PECR: variants seen among roughly 807,000 people sequenced by gnomAD.
PECR encodes the protein 2,4-dienoyl-CoA reductase-related protein.
PECR carries 30 observed loss-of-function variants against 35.3 expected under a neutral mutation model. The ratio of observed to expected loss-of-function variants is 0.85; its 90% CI spans 0.64 to 1.15. The LOEUF (loss-of-function observed/expected upper bound fraction) is 1.15, where lower values mean the gene tolerates loss of function less well. Among genes scored for constraint, PECR ranks in the 50% most tolerant of loss-of-function variants. The pLI, the probability that PECR is intolerant of heterozygous loss-of-function variation, is 0.00. For missense variants in PECR, 392 were observed against 370.8 expected (o/e 1.06, Z -0.47); for synonymous variants, 148 against 138.9 (o/e 1.07, Z -0.46).
intron 7 of PECR, among the ~76,000 whole-genome samples, chr2:216,030,874 G>A (rs1305830643): frequency 6.7e-6 from 1 of 148,814 alleles, no homozygotes; most frequent in African/African-American, 2.5e-5. Context: ...TAATTCTGTG[G>A]GCAATTTATT....
intron 1 of PECR, among the ~76,000 whole-genome samples, chr2:216,076,138 A>G (rs1185712377): frequency 1.3e-5 from 2 of 152,208 alleles, no homozygotes; most frequent in Non-Finnish European, 2.9e-5. Context: ...GTGGAAGTGA[A>G]AGACATTGTT....
chr2:216,031,699 A>AAGAAAG (rs1559204175), intron 7 of PECR, among the ~76,000 whole-genome samples: 1 of 127,494 alleles, frequency 7.8e-6, no homozygotes, highest in South Asian at 2.9e-4. Context: ...AAGAGAAAGA[A>AAGAAAG]AGAAAGAAAG....
intron 4 of PECR, among the ~76,000 whole-genome samples, chr2:216,053,632 G>A (rs144922538): frequency 8.5e-5 from 13 of 152,232 alleles, no homozygotes; most frequent in African/African-American, 3.1e-4. Flanking sequence ...GCTCCAAAAA[G>A]CATTTCCTTT....
chr2:216,059,057 G>T, intron 3 of PECR, 81 bp from the exon 4 acceptor site: 1 of 825,604 alleles, frequency 1.2e-6, no homozygotes, highest in Non-Finnish European at 2.1e-6. Flanking sequence ...CACACTGCCT[G>T]TTTGATATGT....
At chr2:216,080,146 A>G (rs2105973354) in intron 1 of PECR, among the ~76,000 whole-genome samples, 1 of 152,046 alleles carries the variant, frequency 6.6e-6, no homozygotes, top group South Asian at 2.1e-4. Flanking sequence ...CAGTGGCTTG[A>G]CGTCAGCTCA....
At chr2:216,072,589 C>A (rs1483997701) in intron 1 of PECR, among the ~76,000 whole-genome samples, 1 of 152,156 alleles carries the variant, frequency 6.6e-6, no homozygotes, top group Non-Finnish European at 1.5e-5. Flanking sequence ...TGTACCCACT[C>A]TTTAGCTCCC....
At chr2:216,076,962 C>A (rs565988859) in intron 1 of PECR, among the ~76,000 whole-genome samples, 7 of 144,006 alleles carry the variant, frequency 4.9e-5, no homozygotes, top group Admixed American at 1.4e-4. Flanking sequence ...AGTGCAATGG[C>A]ACCATCTCAG....
chr2:216,050,972 G>C (rs2105950162), intron 5 of PECR: 1 of 153,140 alleles, frequency 6.5e-6, no homozygotes, highest in Non-Finnish European at 1.4e-5. Flanking sequence ...GTAAATCAAA[G>C]AGTACTTCCA....
intron 3 of PECR, among the ~76,000 whole-genome samples, chr2:216,062,479 T>C (rs1695375725): frequency 1.3e-5 from 2 of 152,122 alleles, no homozygotes; most frequent in Non-Finnish European, 2.9e-5. Context: ...ACAATAAAAG[T>C]CTATAGGAAA....
intron 1 of PECR, among the ~76,000 whole-genome samples, chr2:216,080,133 G>A (rs150089418): frequency 0.013 from 1,951 of 152,112 alleles, 47 homozygotes; most frequent in African/African-American, 0.045. Flanking sequence ...CCAGGCTGGA[G>A]TGCAGTGGCT....
downstream of PECR, among the ~76,000 whole-genome samples, chr2:216,035,687 A>T (rs574498902): frequency 6.6e-6 from 1 of 151,934 alleles, no homozygotes; most frequent in African/African-American, 2.4e-5. Context: ...GGGTTTCACC[A>T]TGTTGGCCAG....
Position 216,039,329 on chromosome 2 carries a change from G to C in PECR, c.858C>G (p.Asp286Glu), listed in dbSNP as rs1416964546. Residue 286 changes from aspartate to glutamate, a missense_variant, in exon 8 of 8, where the codon GAC becomes GAG. By Grantham distance (45) the Asp-to-Glu change is conservative. Coordinates refer to ENST00000265322, the MANE Select transcript of PECR (RefSeq NM_018441.6). ...DHDNWPKGAG[D>E]LSVVKKMKET... is the part of the protein sequence containing the mutation. ...CCTTCATCTTTTTGACAACAGAAAG[G>C]TCCCCTGCTCCCTTGGGCCAGTTGT... is the stretch of plus-strand genomic sequence containing the variant. 2.5e-6 allele frequency: 4 copies of C among 1,608,762 alleles called. No homozygotes were observed. The highest frequency in any genetic ancestry group is 3.4e-6 in the Non-Finnish European group (4 of 1,175,298).
At chr2:216,039,869 T>C (rs1574673614) in intron 7 of PECR, among the ~76,000 whole-genome samples, 2 of 152,200 alleles carry the variant, frequency 1.3e-5, no homozygotes, top group African/African-American at 4.8e-5. Context: ...AGTCAGTCAG[T>C]GCACTATAAC....
At chr2:216,051,314 C>A in intron 5 of PECR, 135 bp downstream of exon 5, 3 of 577,338 alleles carry the variant, frequency 5.2e-6, no homozygotes, top group Non-Finnish European at 9.3e-6. Context: ...GAAAATTAGG[C>A]TTTCCATTTT....
chr2:216,079,824 A>G (rs939397390), intron 1 of PECR, among the ~76,000 whole-genome samples: 1 of 149,484 alleles, frequency 6.7e-6, no homozygotes, highest in Non-Finnish European at 1.5e-5. Flanking sequence ...TCTACTAAAA[A>G]TACAAAATTA....
intron 3 of PECR, among the ~76,000 whole-genome samples, chr2:216,063,487 G>T (rs1338962858): frequency 6.6e-6 from 1 of 151,980 alleles, no homozygotes; most frequent in African/African-American, 2.4e-5. Context: ...ATGTGGTGGT[G>T]AATGCCTGTA....
intron 1 of PECR, among the ~76,000 whole-genome samples, chr2:216,074,493 AAAGGAAGG>A (rs751542181): frequency 0.12 from 16,507 of 132,960 alleles, 1,283 homozygotes; most frequent in Non-Finnish European, 0.17. Context: ...AGAAAGAAAA[AAAGGAAGG>A]AAGGAAGGAA....
At chr2:216,031,252 C>G (rs1431941827) in intron 7 of PECR, among the ~76,000 whole-genome samples, 1 of 151,568 alleles carries the variant, frequency 6.6e-6, no homozygotes, top group Non-Finnish European at 1.5e-5. Flanking sequence ...ACTAAAAATA[C>G]AAAAATTAGC....
At chr2:216,062,700 T>C (rs1470522796) in intron 3 of PECR, among the ~76,000 whole-genome samples, 2 of 152,166 alleles carry the variant, frequency 1.3e-5, no homozygotes, top group East Asian at 1.9e-4. Flanking sequence ...AAATAATATG[T>C]AATTTTGCCT....
Sources: gnomAD v4.1 joint callset for allele counts (sites outside exome capture counted in the v4.1 genomes callset) on GRCh38, gnomAD v4.1.1 for gene constraint, MANE v1.5 for transcripts, NCBI Gene and HGNC (gene_info 2026-07-23, HGNC 2026-07-21) for gene names.